CELF2: variants seen among roughly 807,000 people sequenced by gnomAD.
CELF2 encodes the protein CUGBP Elav-like family member 2, also known as CUG triplet repeat RNA-binding protein 2.
Under a neutral mutation model 62.6 loss-of-function variants are expected in CELF2, and 8 were observed. The ratio of observed to expected loss-of-function variants is 0.13; its 90% CI spans 0.07 to 0.23. The LOEUF (loss-of-function observed/expected upper bound fraction) is 0.23. Among genes scored for constraint, CELF2 ranks in the 10% least tolerant of loss-of-function variants. The pLI is 1.00. For synonymous variants in CELF2, 258 were observed against 250.0 expected, an observed-to-expected ratio of 1.03 and a Z score of -0.30; for missense variants, 333 against 671.0, an observed-to-expected ratio of 0.50 and a Z score of 5.56.
chr10:10,874,127 C>T (rs539958691), intron 1 of CELF2, among the ~76,000 whole-genome samples: 11 of 152,212 alleles, frequency 7.2e-5, no homozygotes, highest in South Asian at 6.2e-4. Flanking sequence ...GCCAGGGCAA[C>T]GTAGCAAGAC....
At chr10:11,295,759 G>A (rs757845111) in intron 9 of CELF2, among the ~76,000 whole-genome samples, 7 of 152,198 alleles carry the variant, frequency 4.6e-5, no homozygotes, top group Admixed American at 1.3e-4. Context: ...ACAGTAGTTG[G>A]AAACAGTGTG....
At chr10:11,066,550 T>A (rs1009246120) in intron 1 of CELF2, among the ~76,000 whole-genome samples, 1 of 152,176 alleles carries the variant, frequency 6.6e-6, no homozygotes, top group African/African-American at 2.4e-5. Context: ...GAAACACTCA[T>A]GCCCTCCCAC....
the CELF2 span, among the ~76,000 whole-genome samples, chr10:10,577,223 A>G: frequency 6.6e-6 from 1 of 152,164 alleles, no homozygotes; most frequent in Admixed American, 6.6e-5. Context: ...CAGAGCCTGC[A>G]TGGCAATGGG....
rs1165368133 is a variant in CELF2, at chr10:11,295,729, G to A, written c.976+7177G>A. Among the ~76,000 whole-genome samples the A allele has an allele frequency of 2.6e-5, 4 of 152,328 alleles. No individual in the cohort carries two copies. The East Asian group carries it at 7.7e-4, about 29-fold the overall frequency. Reference sequence around the variant, plus strand: ...GGTTTGAAAGTTCTTCGGCATGTAAGACTGATACTGTTGGGGAGAACAGTA... The same window carrying A: ...GGTTTGAAAGTTCTTCGGCATGTAAAACTGATACTGTTGGGGAGAACAGTA... On this transcript the variant is annotated intron_variant, in intron 9 of 12. Coordinates refer to ENST00000633077, the MANE Select transcript of CELF2 (RefSeq NM_001326342.2).
chr10:10,790,854 T>C, the CELF2 span, among the ~76,000 whole-genome samples: 7 of 152,292 alleles, frequency 4.6e-5, no homozygotes, highest in South Asian at 8.3e-4. Flanking sequence ...GATTGTCAGT[T>C]AGAAGATGCC....
the CELF2 span, among the ~76,000 whole-genome samples, chr10:10,493,524 T>A: frequency 1.1e-5 from 1 of 90,052 alleles, no homozygotes; most frequent in African/African-American, 3.5e-5. Flanking sequence ...TTGGGCGTTT[T>A]TTTTTTGTTT....
intron 1 of CELF2, among the ~76,000 whole-genome samples, chr10:11,113,198 A>G (rs2055667761): frequency 6.6e-6 from 1 of 152,246 alleles, no homozygotes; most frequent in African/African-American, 2.4e-5. Flanking sequence ...CTGGATAGTG[A>G]TTCTTGCCAA....
intron 1 of CELF2, among the ~76,000 whole-genome samples, chr10:11,068,878 CA>C (rs542118376): frequency 1.3e-5 from 2 of 152,044 alleles, no homozygotes; most frequent in South Asian, 4.2e-4. Context: ...TCTTTTAAGG[CA>C]AAAAAACAAC....
the CELF2 span, among the ~76,000 whole-genome samples, chr10:10,543,569 G>A: frequency 1.3e-5 from 2 of 152,202 alleles, no homozygotes; most frequent in Non-Finnish European, 2.9e-5. Flanking sequence ...AGAATAGGCT[G>A]GGTGTGGTGG....
chr10:10,858,103 G>A (rs76515594), intron 1 of CELF2, among the ~76,000 whole-genome samples: 236 of 152,224 alleles, frequency 1.6e-3, no homozygotes, highest in African/African-American at 5.0e-3. Flanking sequence ...GGCTTTAAAC[G>A]TGATTTAGAG....
At chr10:10,586,866 T>C in the CELF2 span, among the ~76,000 whole-genome samples, 1 of 152,100 alleles carries the variant, frequency 6.6e-6, no homozygotes, top group Non-Finnish European at 1.5e-5. Context: ...AGGAACCAGG[T>C]GGATTGTATA....
intron 2 of CELF2, among the ~76,000 whole-genome samples, chr10:10,987,534 A>G (rs2052914595): frequency 6.6e-6 from 1 of 152,184 alleles, no homozygotes; most frequent in South Asian, 2.1e-4. Context: ...TGGGACTTCT[A>G]GTTAAGATTG....
At chr10:11,086,647 A>G (rs2046899932) in intron 1 of CELF2, among the ~76,000 whole-genome samples, 1 of 148,436 alleles carries the variant, frequency 6.7e-6, no homozygotes, top group African/African-American at 2.5e-5. Context: ...GGAGAGATGC[A>G]CAGCCTGAGC....
the CELF2 span, among the ~76,000 whole-genome samples, chr10:10,611,519 G>A: frequency 6.6e-6 from 1 of 152,124 alleles, no homozygotes; most frequent in Non-Finnish European, 1.5e-5. Context: ...CTACACAGTC[G>A]TAATATGCCA....
At chr10:10,617,270 G>T in the CELF2 span, among the ~76,000 whole-genome samples, 2 of 152,130 alleles carry the variant, frequency 1.3e-5, no homozygotes, top group Non-Finnish European at 2.9e-5. Flanking sequence ...AACATGTATT[G>T]ATCCCTCACC....
At chr10:10,924,902 A>C (rs907465301) in intron 2 of CELF2, 8 of 152,164 alleles carry the variant, frequency 5.3e-5, no homozygotes, top group South Asian at 2.1e-4. Context: ...AAAAGCCGTT[A>C]TATGCCGTTT....
the CELF2 span, among the ~76,000 whole-genome samples, chr10:10,646,845 TAA>T: frequency 2.4e-4 from 37 of 152,298 alleles, no homozygotes; most frequent in Non-Finnish European, 4.9e-4. Flanking sequence ...AATTTTGTGC[TAA>T]GAGAGTGAAG....
In CELF2 at chr10:10,973,295, G is replaced by A. The variant is rs565769280; in HGVS notation, c.89+53296G>A. On this transcript the variant is annotated intron_variant, in intron 2 of 13. Transcript: ENST00000636488. Reference sequence around the variant, plus strand: ...GACTCTGTCTCAAAAAAACAAAACAGAAAACAAAAAAAGCAGAGGGCAGCA... The same window carrying A: ...GACTCTGTCTCAAAAAAACAAAACAAAAAACAAAAAAAGCAGAGGGCAGCA... Among the ~76,000 whole-genome samples the A allele has an allele frequency of 5.9e-5, 9 of 151,742 alleles. No individual in the cohort carries two copies. The South Asian group carries it at 1.9e-3, about 32-fold the overall frequency.
chr10:11,072,585 T>C (rs1024816686), intron 1 of CELF2, among the ~76,000 whole-genome samples: 3 of 152,222 alleles, frequency 2.0e-5, no homozygotes, highest in Admixed American at 1.3e-4. Context: ...TAGCAGATTC[T>C]GGACTCTGGG....
Sources: allele counts gnomAD v4.1 joint callset (sites outside exome capture counted in the v4.1 genomes callset), GRCh38; gene constraint gnomAD v4.1.1; transcripts MANE v1.5; gene names NCBI Gene and HGNC (gene_info 2026-07-23, HGNC 2026-07-21).